The following MND1 variants were observed in gnomAD, a reference collection of about 807,000 sequenced individuals.
MND1 encodes the protein meiotic nuclear division protein 1 homolog.
A neutral mutation model predicts 35.1 loss-of-function variants in MND1; 28 were observed. The observed-to-expected ratio is 0.80, with a 90% CI of 0.59 to 1.09. The LOEUF (loss-of-function observed/expected upper bound fraction) is 1.09. Ranked by LOEUF, MND1 falls within the 50% of genes least tolerant of loss-of-function variation. The pLI is 0.00. For synonymous variants in MND1, 69 were observed against 70.5 expected, an observed-to-expected ratio of 0.98 and a Z score of 0.11; for missense variants, 213 against 239.6, an observed-to-expected ratio of 0.89 and a Z score of 0.73.
At chr4:153,388,459 C>T (rs1398956538) in intron 4 of MND1, among the ~76,000 whole-genome samples, 2 of 152,092 alleles carry the variant, frequency 1.3e-5, no homozygotes, top group African/African-American at 4.8e-5. Context: ...TGCATTCCAG[C>T]CTGAACAACA....
intron 3 of MND1, 43 bp from the exon 4 acceptor site, chr4:153,358,431 A>G: frequency 6.8e-7 from 1 of 1,461,326 alleles, no homozygotes; most frequent in Non-Finnish European, 9.1e-7. Context: ...AATTTTATTT[A>G]TGGTGTTTTT....
At chr4:153,377,466 G>A (rs533790129) in intron 4 of MND1, among the ~76,000 whole-genome samples, 2 of 152,290 alleles carry the variant, frequency 1.3e-5, no homozygotes, top group Non-Finnish European at 2.9e-5. Flanking sequence ...GTGAATGCTT[G>A]CTATGGCAGG....
intron 2 of MND1, among the ~76,000 whole-genome samples, chr4:153,350,487 G>A (rs1033471282): frequency 6.6e-6 from 1 of 152,328 alleles, no homozygotes; most frequent in Non-Finnish European, 1.5e-5. Context: ...AGAAGCCATA[G>A]TTCCAGGATT....
chr4:153,385,444 A>G (rs1371524261), intron 4 of MND1, among the ~76,000 whole-genome samples: 4 of 152,318 alleles, frequency 2.6e-5, no homozygotes, highest in Non-Finnish European at 5.9e-5. Context: ...GTCCAGGCAC[A>G]GTGGCTCATG....
intron 6 of MND1, among the ~76,000 whole-genome samples, chr4:153,405,298 G>A (rs762047915): frequency 3.9e-5 from 6 of 152,074 alleles, no homozygotes; most frequent in South Asian, 2.1e-4. Context: ...TGCACACTTC[G>A]GGAAGCTGAG....
intron 6 of MND1, among the ~76,000 whole-genome samples, chr4:153,400,559 C>T (rs1435866873): frequency 6.6e-6 from 1 of 151,986 alleles, no homozygotes; most frequent in South Asian, 2.1e-4. Context: ...TGCTGGCATG[C>T]GCTTTATTCA....
At chr4:153,391,135 C>T (rs1238144477) in intron 4 of MND1, among the ~76,000 whole-genome samples, 1 of 151,602 alleles carries the variant, frequency 6.6e-6, no homozygotes, top group Non-Finnish European at 1.5e-5. Flanking sequence ...CCAGGTAGGT[C>T]CTTCAGGGTG....
chr4:153,396,319 G>C (rs971914151), intron 5 of MND1, among the ~76,000 whole-genome samples: 1 of 152,114 alleles, frequency 6.6e-6, no homozygotes, highest in Non-Finnish European at 1.5e-5. Context: ...GCTTCTGAGC[G>C]TGCTGCTCTG....
At chr4:153,382,668 A>G (rs1403314403) in intron 4 of MND1, among the ~76,000 whole-genome samples, 1 of 152,240 alleles carries the variant, frequency 6.6e-6, no homozygotes, top group South Asian at 2.1e-4. Flanking sequence ...AGTTAATTCT[A>G]TTTAAGTAGA....
chr4:153,374,682 G>T (rs1332270317), intron 4 of MND1, among the ~76,000 whole-genome samples: 1 of 150,740 alleles, frequency 6.6e-6, no homozygotes, highest in Admixed American at 6.6e-5. Context: ...TTCCAATTAT[G>T]TGCAGGAATG....
intron 4 of MND1, among the ~76,000 whole-genome samples, chr4:153,379,388 TTAAG>T (rs1409521255): frequency 1.3e-5 from 2 of 151,710 alleles, no homozygotes; most frequent in Non-Finnish European, 2.9e-5. Flanking sequence ...TTTCCATTTT[TTAAG>T]TAAGTCTGAA....
At chr4:153,373,493 A>G (rs980540947) in intron 4 of MND1, among the ~76,000 whole-genome samples, 8 of 152,196 alleles carry the variant, frequency 5.3e-5, no homozygotes, top group Non-Finnish European at 8.8e-5. Context: ...CCAAATCTTA[A>G]TAGAAGTAAG....
intron 6 of MND1, among the ~76,000 whole-genome samples, chr4:153,402,878 T>TG (rs1218380301): frequency 1.7e-4 from 26 of 152,336 alleles, no homozygotes; most frequent in African/African-American, 6.3e-4. Context: ...AAGGGCCAGA[T>TG]GCAGTGGTTT....
chr4:153,358,480 T>C lies in MND1; in HGVS notation c.134T>C (p.Met45Thr), dbSNP rs1490861158. 6.3e-7 allele frequency: 1 copy of C among 1,596,442 alleles called. No individual in the cohort carries two copies. The highest frequency in any genetic ancestry group is 1.7e-4 in the Middle Eastern group (1 of 5,976). Residue 45 changes from methionine to threonine, a missense_variant, in exon 4 of 8, where the codon ATG becomes ACG. Met to Thr is a moderately conservative substitution (Grantham distance 81, BLOSUM62 -1). Transcript: ENST00000240488. ...IAPKEKGITA[M>T]SVKEVLQSLV... is the part of the protein sequence containing the mutation. ...TTTAAAAATTGTCTCTTAGCTGCTA[T>C]GTCAGTAAAAGAAGTCCTTCAAAGC...
At chr4:153,411,810 T>A (rs1456743022) in intron 7 of MND1, among the ~76,000 whole-genome samples, 2 of 152,232 alleles carry the variant, frequency 1.3e-5, no homozygotes, top group Non-Finnish European at 2.9e-5. Flanking sequence ...ACATAAGACT[T>A]GGCCTTTTCT....
At chr4:153,386,015 G>C (rs1008016597) in intron 4 of MND1, among the ~76,000 whole-genome samples, 3 of 152,112 alleles carry the variant, frequency 2.0e-5, no homozygotes, top group Non-Finnish European at 4.4e-5. Context: ...TGTCAATGTA[G>C]GTTCACTGAT....
intron 4 of MND1, among the ~76,000 whole-genome samples, chr4:153,360,944 A>G (rs1773474995): frequency 6.6e-6 from 1 of 152,160 alleles, no homozygotes; most frequent in Admixed American, 6.5e-5. Context: ...GGCCCAAGCC[A>G]TCCTCCCGCC....
chr4:153,372,076 C>T (rs1386088063), intron 4 of MND1, among the ~76,000 whole-genome samples: 2 of 152,136 alleles, frequency 1.3e-5, no homozygotes, highest in South Asian at 4.2e-4. Context: ...ATTAAGTTCA[C>T]TGTCTTATGT....
intron 4 of MND1, among the ~76,000 whole-genome samples, chr4:153,368,570 G>A (rs2149639144): frequency 6.6e-6 from 1 of 152,284 alleles, no homozygotes; most frequent in South Asian, 2.1e-4. Flanking sequence ...AAAAGGCAAA[G>A]CTTCTTTCTC....
Sources: allele counts gnomAD v4.1 joint callset (sites outside exome capture counted in the v4.1 genomes callset), GRCh38; gene constraint gnomAD v4.1.1; transcripts MANE v1.5; gene names NCBI Gene and HGNC (gene_info 2026-07-23, HGNC 2026-07-21).